Variants in MAGI2 observed in about 807,000 individuals in gnomAD.
MAGI2 encodes membrane-associated guanylate kinase, WW and PDZ domain-containing protein 2.
A neutral mutation model predicts 133.3 loss-of-function variants in MAGI2; 35 were observed. The ratio of observed to expected loss-of-function variants is 0.26; its 90% CI spans 0.20 to 0.35. The LOEUF is 0.35. Ranked by LOEUF, MAGI2 falls within the 10% of genes least tolerant of loss-of-function variation. The probability of loss-of-function intolerance (pLI) is 1.00; values close to 1 mark genes in which losing one functional copy is unlikely to be tolerated. For missense variants in MAGI2, 1,636 were observed against 1,863.4 expected, an observed-to-expected ratio of 0.88 and a Z score of 2.25; for synonymous variants, 729 against 710.6, an observed-to-expected ratio of 1.03 and a Z score of -0.41.
intron 10 of MAGI2, among the ~76,000 whole-genome samples, chr7:78,212,877 A>G (rs1787904612): frequency 6.6e-6 from 1 of 152,148 alleles, no homozygotes; most frequent in Non-Finnish European, 1.5e-5. Context: ...GGGTTTCACC[A>G]TGTTGCCCAC....
In MAGI2 at chr7:79,357,530, A is replaced by C. The variant is rs1181042298; in HGVS notation, c.301+95490T>G. ...GCTGCCCTGCTTTATTTTTAATTTT[A>C]GATACAAAAAATAAAGTCAAGCAAG... is the stretch of plus-strand genomic sequence containing the variant. On this transcript the variant is annotated intron_variant, in intron 1 of 21. Transcript: ENST00000354212. 2.6e-5 allele frequency among the ~76,000 whole-genome samples: 4 copies of C among 152,328 alleles called. No individual in the cohort carries two copies. In the East Asian group the frequency reaches 7.7e-4, roughly 29 times the overall value.
chr7:78,703,421 C>T (rs577126089), intron 2 of MAGI2, among the ~76,000 whole-genome samples: 15 of 152,056 alleles, frequency 9.9e-5, no homozygotes, highest in East Asian at 5.8e-4. Flanking sequence ...TTGTGGCAAA[C>T]ATTTTGAGAT....
At chr7:79,395,943 T>C (rs1845016443) in intron 1 of MAGI2, among the ~76,000 whole-genome samples, 1 of 152,160 alleles carries the variant, frequency 6.6e-6, no homozygotes, top group Admixed American at 6.6e-5. Flanking sequence ...GCTCTTAAAG[T>C]AGAAGAACAT....
intron 2 of MAGI2, among the ~76,000 whole-genome samples, chr7:78,986,916 A>G (rs866528733): frequency 4.6e-5 from 7 of 151,958 alleles, no homozygotes; most frequent in South Asian, 2.1e-4. Flanking sequence ...AATCAAGAAC[A>G]TACTCACCTG....
rs577589155 is a variant in MAGI2, at chr7:79,069,171, G to A, written c.302-61965C>T. ...CATATCTTTGTTAATTTTCTGTCTC[G>A]TTGACCTGTCCAGTGTGGACAGTGG... On this transcript the variant is annotated intron_variant, in intron 1 of 21. Transcript: ENST00000354212. Among the ~76,000 whole-genome samples, 9 of 152,170 alleles carry A rather than the reference G, an allele frequency of 5.9e-5. No individual in the cohort carries two copies. In the South Asian group the frequency reaches 6.2e-4, roughly 11 times the overall value.
intron 1 of MAGI2, among the ~76,000 whole-genome samples, chr7:79,188,421 C>T (rs548559209): frequency 6.6e-6 from 1 of 151,934 alleles, no homozygotes; most frequent in African/African-American, 2.4e-5. Flanking sequence ...ATAATGGTTT[C>T]CAGCTCCATC....
intron 1 of MAGI2, among the ~76,000 whole-genome samples, chr7:79,378,001 G>A (rs1843494792): frequency 6.6e-6 from 1 of 151,848 alleles, no homozygotes; most frequent in African/African-American, 2.4e-5. Flanking sequence ...GACTAGACAT[G>A]TTTTCACAGA....
chr7:78,743,940 T>A (rs75327743), intron 2 of MAGI2, among the ~76,000 whole-genome samples: 139 of 152,308 alleles, frequency 9.1e-4, no homozygotes, highest in African/African-American at 3.1e-3. Flanking sequence ...TCCTCTTTGA[T>A]CACACATTCT....
At chr7:78,917,309 C>T (rs1043339803) in intron 2 of MAGI2, among the ~76,000 whole-genome samples, 3 of 151,878 alleles carry the variant, frequency 2.0e-5, no homozygotes, top group Non-Finnish European at 4.4e-5. Context: ...AACATGTGGA[C>T]CTGGTTGTAG....
chr7:79,439,921 A>G (rs564780299), intron 1 of MAGI2, among the ~76,000 whole-genome samples: 51 of 152,104 alleles, frequency 3.4e-4, no homozygotes, highest in African/African-American at 1.1e-3. Context: ...CCAGTTTTTC[A>G]CTTCCTATTC....
intron 2 of MAGI2, among the ~76,000 whole-genome samples, chr7:78,669,804 G>T (rs1267638321): frequency 6.6e-6 from 1 of 152,116 alleles, no homozygotes; most frequent in Non-Finnish European, 1.5e-5. Context: ...GCATATAACA[G>T]AACCAAAGAC....
chr7:78,107,865 T>A (rs1424709469), intron 20 of MAGI2, among the ~76,000 whole-genome samples: 2 of 105,328 alleles, frequency 1.9e-5, no homozygotes, highest in South Asian at 7.7e-4. Context: ...TCTGATTTTA[T>A]TTATTTGGGT....
At chr7:79,354,602 GA>G (rs1792231084) in intron 1 of MAGI2, among the ~76,000 whole-genome samples, 1 of 152,120 alleles carries the variant, frequency 6.6e-6, no homozygotes, top group South Asian at 2.1e-4. Flanking sequence ...GTGGGGAAGG[GA>G]AGTGTGAGTA....
intron 2 of MAGI2, among the ~76,000 whole-genome samples, chr7:78,662,167 T>G (rs534826474): frequency 1.4e-3 from 209 of 152,290 alleles, no homozygotes; most frequent in African/African-American, 4.8e-3. Flanking sequence ...GTCTTCCTTT[T>G]TGTTTATTTT....
At chr7:78,427,519 A>G (rs900996974) in intron 6 of MAGI2, among the ~76,000 whole-genome samples, 2 of 152,174 alleles carry the variant, frequency 1.3e-5, no homozygotes, top group East Asian at 3.8e-4. Context: ...AGCTGAATTC[A>G]TCACAATTAT....
chr7:78,696,216 G>A (rs944719204), intron 2 of MAGI2, among the ~76,000 whole-genome samples: 1 of 152,134 alleles, frequency 6.6e-6, no homozygotes, highest in African/African-American at 2.4e-5. Flanking sequence ...GGGATTACAG[G>A]CATGAACCAC....
intron 6 of MAGI2, among the ~76,000 whole-genome samples, chr7:78,410,916 CA>C (rs1413609282): frequency 6.6e-6 from 1 of 151,842 alleles, no homozygotes; most frequent in Non-Finnish European, 1.5e-5. Flanking sequence ...TAAGCATAAA[CA>C]ATGTATTGTC....
intron 1 of MAGI2, among the ~76,000 whole-genome samples, chr7:79,153,095 C>T (rs181387974): frequency 2.1e-4 from 32 of 152,178 alleles, no homozygotes; most frequent in African/African-American, 7.2e-4. Flanking sequence ...GTGATAAGAA[C>T]CCTTTCCTGG....
At chr7:79,308,349 C>T (rs1837987440) in intron 1 of MAGI2, among the ~76,000 whole-genome samples, 1 of 144,346 alleles carries the variant, frequency 6.9e-6, no homozygotes, top group Non-Finnish European at 1.5e-5. Flanking sequence ...ACAGGTCACT[C>T]AAAACAGAAG....
Sources: allele counts gnomAD v4.1 joint callset (sites outside exome capture counted in the v4.1 genomes callset), GRCh38; gene constraint gnomAD v4.1.1; transcripts MANE v1.5; gene names NCBI Gene and HGNC (gene_info 2026-07-23, HGNC 2026-07-21).